Variants in SORBS2 observed in about 807,000 individuals in gnomAD.
SORBS2 encodes sorbin and SH3 domain-containing protein 2.
In SORBS2, 46 loss-of-function variants were observed where a neutral mutation model predicts 97.7. The ratio of observed to expected loss-of-function variants is 0.47; its 90% CI spans 0.37 to 0.60. SORBS2 has a LOEUF of 0.60. Among genes scored for constraint, SORBS2 ranks in the 20% least tolerant of loss-of-function variants. The pLI, the probability that SORBS2 is intolerant of heterozygous loss-of-function variation, is 0.00. For synonymous variants in SORBS2, 476 were observed against 473.4 expected (o/e 1.01, Z -0.07); for missense variants, 1,316 against 1,282.3 (o/e 1.03, Z -0.40).
intron 2 of SORBS2, among the ~76,000 whole-genome samples, chr4:185,715,368 C>T (rs2153553649): frequency 6.6e-6 from 1 of 152,084 alleles, no homozygotes; most frequent in East Asian, 1.9e-4. Context: ...CACTCCTGTA[C>T]CCCAAGGAGA....
intron 14 of SORBS2, chr4:185,587,916 C>T (rs914533315): frequency 8.4e-6 from 4 of 476,338 alleles, no homozygotes; most frequent in Admixed American, 3.6e-5. Context: ...GCTGCCATCG[C>T]GGCAGGCTAA....
At chr4:185,941,588 A>G (rs2099272029) in intron 1 of SORBS2, among the ~76,000 whole-genome samples, 1 of 152,134 alleles carries the variant, frequency 6.6e-6, no homozygotes, top group African/African-American at 2.4e-5. Context: ...CCTGCTTTCT[A>G]TCCTGGAGAC....
Position 185,607,070 on chromosome 4 carries a change from A to G in SORBS2, c.2796+4710T>C. ...GATTCGGCAGGTGCAGTCGCTGGGG[A>G]CAATGGGAGGAGGACAGCAGGTTCC... On this transcript the variant is annotated intron_variant, in intron 12 of 14. Transcript: ENST00000418609. The surrounding 1 kb of genome is among the most constrained non-coding windows in gnomAD (Gnocchi z 5.2). 9.7e-7 allele frequency: 1 copy of G among 1,035,768 alleles called. No homozygotes were observed. The highest frequency in any genetic ancestry group is 1.2e-6 in the Non-Finnish European group (1 of 859,650). The allele number at this position is 1,035,768 out of a possible 1,614,324, so 64.2% of individuals were successfully genotyped here.
At chr4:185,873,855 A>G (rs1288977004) in intron 1 of SORBS2, among the ~76,000 whole-genome samples, 3 of 152,210 alleles carry the variant, frequency 2.0e-5, no homozygotes, top group Non-Finnish European at 4.4e-5. Flanking sequence ...CATTTATATT[A>G]TTGTAAATAA....
chr4:185,596,083 C>T (rs1402560393), intron 12 of SORBS2, among the ~76,000 whole-genome samples: 1 of 152,112 alleles, frequency 6.6e-6, no homozygotes, highest in African/African-American at 2.4e-5. Flanking sequence ...ATTATTTATT[C>T]TTGTCTTAAG....
At chr4:185,610,851 G>A (rs2045437560) in intron 12 of SORBS2, among the ~76,000 whole-genome samples, 2 of 151,976 alleles carry the variant, frequency 1.3e-5, no homozygotes, top group Admixed American at 6.6e-5. Flanking sequence ...TGAATGTTGA[G>A]AAGTACTTAA....
In SORBS2 at chr4:185,951,066, C is replaced by A. The variant is rs138867366; in HGVS notation, c.-338+5130G>T. Reference sequence around the variant, plus strand: ...ACTGCAAGTGATCCCTCAATGACATCATACTCAACAAAACAAGACAAATGT... The same window carrying A: ...ACTGCAAGTGATCCCTCAATGACATAATACTCAACAAAACAAGACAAATGT... On this transcript the variant is annotated intron_variant, in intron 1 of 20. Transcript: ENST00000284776. Among the ~76,000 whole-genome samples the A allele has an allele frequency of 3.8e-3, 580 of 152,312 alleles. 6 individuals carry two copies. The highest frequency in any genetic ancestry group is 0.013 in the African/African-American group (555 of 41,556).
intron 4 of SORBS2, among the ~76,000 whole-genome samples, chr4:185,634,264 A>G (rs777443308): frequency 2.0e-5 from 3 of 152,212 alleles, no homozygotes; most frequent in Non-Finnish European, 4.4e-5. Flanking sequence ...CTGCAATTCC[A>G]GTGGTCACCA....
intron 6 of SORBS2, 128 bp downstream of exon 18, chr4:185,626,704 C>A: frequency 1.1e-6 from 1 of 913,750 alleles, no homozygotes. Flanking sequence ...TGTTCTAAAA[C>A]TATATTTTAT....
intron 1 of SORBS2, among the ~76,000 whole-genome samples, chr4:185,833,012 G>T (rs2099205951): frequency 6.6e-6 from 1 of 152,150 alleles, no homozygotes; most frequent in Admixed American, 6.6e-5. Flanking sequence ...ATATTCTAAG[G>T]TCTTTCCTAT....
At chr4:185,651,709 A>T (rs1561681220) in intron 2 of SORBS2, 75 bp downstream of exon 11, 6 of 845,634 alleles carry the variant, frequency 7.1e-6, no homozygotes, top group Non-Finnish European at 1.2e-5. Flanking sequence ...AGAAGGGGAA[A>T]AAAGGTGACC....
At chr4:185,686,120 T>C (rs559175246) in intron 2 of SORBS2, among the ~76,000 whole-genome samples, 17 of 152,172 alleles carry the variant, frequency 1.1e-4, no homozygotes, top group Non-Finnish European at 2.5e-4. Context: ...TTTTGAAAGT[T>C]ATAAAAAAAG....
chr4:185,933,237 A>T (rs2099267319), intron 1 of SORBS2: 2 of 152,128 alleles, frequency 1.3e-5, no homozygotes, highest in African/African-American at 4.8e-5. Context: ...AACACAATCC[A>T]CCCAGTGATC....
At chr4:185,877,867 C>CAGAAAAAAA (rs2099234466) in intron 1 of SORBS2, among the ~76,000 whole-genome samples, 1 of 50,462 alleles carries the variant, frequency 2.0e-5, no homozygotes, top group Non-Finnish European at 3.8e-5. Context: ...GAGACTCTGT[C>CAGAAAAAAA]AAAAAACAAA....
At chr4:185,699,470 A>G (rs1474898217) in intron 2 of SORBS2, among the ~76,000 whole-genome samples, 1 of 151,994 alleles carries the variant, frequency 6.6e-6, no homozygotes, top group Non-Finnish European at 1.5e-5. Flanking sequence ...TATTTTTAGT[A>G]GAAATGGGGT....
At chr4:185,682,634 T>C (rs1263804012) in intron 2 of SORBS2, among the ~76,000 whole-genome samples, 2 of 152,250 alleles carry the variant, frequency 1.3e-5, no homozygotes, top group Non-Finnish European at 2.9e-5. Flanking sequence ...CACTGTATCA[T>C]ATAAGTTCTT....
At chr4:185,758,673 C>G (rs909766972) in intron 2 of SORBS2, among the ~76,000 whole-genome samples, 2 of 152,126 alleles carry the variant, frequency 1.3e-5, no homozygotes, top group African/African-American at 4.8e-5. Flanking sequence ...CCCTTCTTAC[C>G]ACCTACTCCC....
upstream of SORBS2, among the ~76,000 whole-genome samples, chr4:185,661,276 G>GAAA (rs3080187): frequency 7.1e-6 from 1 of 141,264 alleles, no homozygotes; most frequent in African/African-American, 2.7e-5. Flanking sequence ...ACTCCATCTT[G>GAAA]AAAAAAAAAA....
chr4:185,913,162 A>G (rs1017743715), intron 1 of SORBS2, among the ~76,000 whole-genome samples: 8 of 152,242 alleles, frequency 5.3e-5, no homozygotes. Context: ...TCTATTTGGG[A>G]AAACAGAAGC....
Sources: allele counts gnomAD v4.1 joint callset (sites outside exome capture counted in the v4.1 genomes callset), GRCh38; gene constraint gnomAD v4.1.1; non-coding constraint Gnocchi (gnomAD v3.1); transcripts MANE v1.5; gene names NCBI Gene and HGNC (gene_info 2026-07-23, HGNC 2026-07-21).